Variants in MYT1L observed in about 807,000 individuals in gnomAD.
The protein encoded by MYT1L is myelin transcription factor 1-like protein.
In MYT1L, 12 loss-of-function variants were observed where a neutral mutation model predicts 126.7. That is an observed-to-expected ratio of 0.09 (90% CI 0.06 to 0.15). The LOEUF is 0.15. Among genes scored for constraint, MYT1L ranks in the 10% least tolerant of loss-of-function variants. The pLI is 1.00. For missense variants in MYT1L, 979 were observed against 1,585.2 expected, an observed-to-expected ratio of 0.62 and a Z score of 6.49; for synonymous variants, 541 against 604.2, an observed-to-expected ratio of 0.90 and a Z score of 1.53.
At chr2:1,952,651 AC>A (rs1387159680) in intron 8 of MYT1L, among the ~76,000 whole-genome samples, 2 of 143,462 alleles carry the variant, frequency 1.4e-5, no homozygotes, top group Non-Finnish European at 3.0e-5. Flanking sequence ...ACGGCACACC[AC>A]CCCCAGCCAT....
At chr2:2,043,525 C>T (rs1339374679) in intron 4 of MYT1L, among the ~76,000 whole-genome samples, 2 of 152,170 alleles carry the variant, frequency 1.3e-5, no homozygotes, top group Non-Finnish European at 2.9e-5. Flanking sequence ...GGGACAGTCC[C>T]GGCCACAACT....
At chr2:1,843,987 C>T (rs1186172886) in intron 19 of MYT1L, among the ~76,000 whole-genome samples, 1 of 152,208 alleles carries the variant, frequency 6.6e-6, no homozygotes, top group East Asian at 1.9e-4. Flanking sequence ...GGCTCAGGAG[C>T]TCTCATCTGA....
chr2:1,950,768 C>T (rs774836133), intron 8 of MYT1L, among the ~76,000 whole-genome samples: 12 of 152,144 alleles, frequency 7.9e-5, no homozygotes, highest in South Asian at 2.1e-4. Context: ...CTCCTAGGAG[C>T]CGTGGGAGCT....
chr2:1,803,737 C>A (rs547520044), intron 22 of MYT1L, among the ~76,000 whole-genome samples: 106 of 152,294 alleles, frequency 7.0e-4, no homozygotes, highest in African/African-American at 2.3e-3. Flanking sequence ...GGGCTGCCCA[C>A]TGCGGCTCTG....
At chr2:1,895,656 G>C (rs2049470471) in intron 14 of MYT1L, among the ~76,000 whole-genome samples, 1 of 152,174 alleles carries the variant, frequency 6.6e-6, no homozygotes, top group Non-Finnish European at 1.5e-5. Context: ...AATGAAACTA[G>C]ACCCATACTT....
chr2:2,073,658 T>C (rs534532454), intron 3 of MYT1L, among the ~76,000 whole-genome samples: 3 of 152,192 alleles, frequency 2.0e-5, no homozygotes, highest in Admixed American at 6.5e-5. Flanking sequence ...ATCCTGCCAG[T>C]GCGTATCTTG....
chr2:2,211,609 C>T (rs775062911), intron 2 of MYT1L, among the ~76,000 whole-genome samples: 1 of 151,954 alleles, frequency 6.6e-6, no homozygotes, highest in East Asian at 1.9e-4. Flanking sequence ...AGTTCGAGAA[C>T]AGCCTAGCCA....
At chr2:2,060,006 C>G (rs1054913086) in intron 3 of MYT1L, among the ~76,000 whole-genome samples, 2 of 152,194 alleles carry the variant, frequency 1.3e-5, no homozygotes, top group Admixed American at 1.3e-4. Flanking sequence ...CAGAACTGGG[C>G]CCACTGCAGA....
At chr2:2,305,544 T>C (rs575470118) in intron 1 of MYT1L, among the ~76,000 whole-genome samples, 9 of 152,350 alleles carry the variant, frequency 5.9e-5, no homozygotes, top group East Asian at 5.8e-4. Context: ...AAGATCACTG[T>C]TGTAGAAAGA....
intron 3 of MYT1L, among the ~76,000 whole-genome samples, chr2:2,110,842 G>T (rs1365665309): frequency 6.6e-6 from 1 of 152,058 alleles, no homozygotes; most frequent in African/African-American, 2.4e-5. Context: ...GGGGCAGTAT[G>T]GAGGCGGGAG....
At chr2:2,275,846 C>T (rs912890434) in intron 2 of MYT1L, among the ~76,000 whole-genome samples, 1 of 152,142 alleles carries the variant, frequency 6.6e-6, no homozygotes, top group Non-Finnish European at 1.5e-5. Context: ...TTCTTTCACA[C>T]CTCCACGCCT....
intron 21 of MYT1L, among the ~76,000 whole-genome samples, chr2:1,826,663 G>A (rs55887111): frequency 0.019 from 2,818 of 152,272 alleles, 90 homozygotes; most frequent in African/African-American, 0.064. Flanking sequence ...ACGCAGCACC[G>A]GGTACCGGGT....
Position 1,889,379 on chromosome 2 carries a change from C to T in MYT1L, c.2382G>A (p.Glu794=), listed in dbSNP as rs1247551759. The T allele has an allele frequency of 1.2e-6, 2 of 1,613,970 alleles. No homozygotes were observed. The highest frequency in any genetic ancestry group is 4.5e-5 in the East Asian group (2 of 44,874). ...DSCCPILTPL[E]PMSPQQQAVM... is the part of the protein sequence containing the mutation. ...CTGCCTGCTGCTGGGGGGACATGGG[C>T]TCCAGAGGGGTCAGGATGGGGCAGC... The change falls in exon 16 of 25, where the codon GAG becomes GAA. Residue 794 remains glutamate, a synonymous_variant. Coordinates refer to ENST00000647738, the MANE Select transcript of MYT1L (RefSeq NM_001303052.2). This position sits in a 1 kb window ranked among gnomAD's most constrained non-coding sequence, Gnocchi z 4.1.
At chr2:2,189,715 G>A (rs1471524883) in intron 2 of MYT1L, among the ~76,000 whole-genome samples, 1 of 152,192 alleles carries the variant, frequency 6.6e-6, no homozygotes, top group East Asian at 1.9e-4. Context: ...AAGAGCCCTT[G>A]TAACTGAACC....
intron 3 of MYT1L, among the ~76,000 whole-genome samples, chr2:2,091,024 G>C (rs536842098): frequency 7.9e-5 from 12 of 152,182 alleles, no homozygotes; most frequent in Admixed American, 5.9e-4. Context: ...CTGAAGTCTT[G>C]GGTGAACTTA....
chr2:1,823,993 G>A (rs888212834), intron 21 of MYT1L, among the ~76,000 whole-genome samples: 54 of 137,186 alleles, frequency 3.9e-4, no homozygotes, highest in Admixed American at 9.7e-4. Flanking sequence ...GGATGAGGCC[G>A]CGCCTCCCCC....
intron 18 of MYT1L, among the ~76,000 whole-genome samples, chr2:1,879,652 T>C (rs1014115782): frequency 3.9e-5 from 6 of 152,146 alleles, no homozygotes; most frequent in African/African-American, 1.4e-4. Flanking sequence ...TATAGTTTAG[T>C]AATATATGTG....
chr2:2,294,192 C>T (rs767826823), intron 1 of MYT1L, among the ~76,000 whole-genome samples: 15 of 152,168 alleles, frequency 9.9e-5, no homozygotes, highest in Non-Finnish European at 1.5e-4. Flanking sequence ...TCACAGGTGA[C>T]GGTTAGCGAC....
At chr2:1,865,339 C>A (rs2148657339) in intron 18 of MYT1L, among the ~76,000 whole-genome samples, 1 of 152,286 alleles carries the variant, frequency 6.6e-6, no homozygotes, top group Non-Finnish European at 1.5e-5. Flanking sequence ...TTCCTGTGGG[C>A]TTTGAGGCTG....
Sources: allele counts gnomAD v4.1 joint callset (sites outside exome capture counted in the v4.1 genomes callset), GRCh38; gene constraint gnomAD v4.1.1; non-coding constraint Gnocchi (gnomAD v3.1); transcripts MANE v1.5; gene names NCBI Gene and HGNC (gene_info 2026-07-23, HGNC 2026-07-21).